Variants in BMPR2 observed in about 807,000 individuals in gnomAD.
The protein encoded by BMPR2 is bone morphogenetic protein receptor type 2, also known as bone morphogenetic protein receptor type-2.
BMPR2 carries 29 observed loss-of-function variants against 100.8 expected under a neutral mutation model. The ratio of observed to expected loss-of-function variants is 0.29; its 90% CI spans 0.21 to 0.39. The LOEUF is 0.39. BMPR2 is among the 10% of genes least tolerant of loss of function. The pLI, the probability that BMPR2 is intolerant of heterozygous loss-of-function variation, is 1.00. For synonymous variants in BMPR2, 382 were observed against 442.3 expected (o/e 0.86, Z 1.71); for missense variants, 1,011 against 1,274.5 (o/e 0.79, Z 3.15).
intron 1 of BMPR2, among the ~76,000 whole-genome samples, chr2:202,462,050 T>C (rs1165237492): frequency 1.3e-5 from 2 of 152,094 alleles, no homozygotes; most frequent in Non-Finnish European, 2.9e-5. Context: ...GAGATGGTCT[T>C]TCCACCTGCA....
chr2:202,436,607 A>C (rs1379599997), intron 1 of BMPR2, among the ~76,000 whole-genome samples: 3 of 150,722 alleles, frequency 2.0e-5, no homozygotes, highest in African/African-American at 7.5e-5. Flanking sequence ...TGAGTTTGCC[A>C]CCCCTGAAAA....
At chr2:202,416,608 T>C (rs1042370284) in intron 1 of BMPR2, among the ~76,000 whole-genome samples, 6 of 151,014 alleles carry the variant, frequency 4.0e-5, no homozygotes, top group African/African-American at 1.5e-4. Flanking sequence ...GTATTTTTAG[T>C]AGAGACGGGG....
rs540244761 is a variant in BMPR2, at chr2:202,390,963, T to C, written c.76+13413T>C. On this transcript the variant is annotated intron_variant, in intron 1 of 12. Coordinates refer to ENST00000374580, the MANE Select transcript of BMPR2 (RefSeq NM_001204.7). ...CTACCTTATGTACAACTACCAAAAATGCTTTTAGTAAGTAGTCTTTTTTTT... is the reference window on the plus strand; with the variant it reads ...CTACCTTATGTACAACTACCAAAAACGCTTTTAGTAAGTAGTCTTTTTTTT... 9.3e-5 allele frequency among the ~76,000 whole-genome samples: 14 copies of C among 150,034 alleles called. 2 individuals carry two copies. The Admixed American group carries it at 9.3e-4, about 10-fold the overall frequency.
At chr2:202,389,240 A>T (rs1690496024) in intron 1 of BMPR2, among the ~76,000 whole-genome samples, 1 of 151,878 alleles carries the variant, frequency 6.6e-6, no homozygotes, top group African/African-American at 2.4e-5. Flanking sequence ...TTTAAAAAAC[A>T]AAAAAGGCTG....
chr2:202,529,424 A>G (rs1389258125), intron 7 of BMPR2, among the ~76,000 whole-genome samples: 1 of 152,246 alleles, frequency 6.6e-6, no homozygotes, highest in African/African-American at 2.4e-5. Flanking sequence ...AGGGCAGTCT[A>G]TAGTTCTGCC....
At chr2:202,558,295 A>G (rs1688617904) in intron 12 of BMPR2, among the ~76,000 whole-genome samples, 1 of 151,494 alleles carries the variant, frequency 6.6e-6, no homozygotes, top group Non-Finnish European at 1.5e-5. Flanking sequence ...GTATTTTAGT[A>G]AAGGAGGGGT....
intron 1 of BMPR2, among the ~76,000 whole-genome samples, chr2:202,390,936 C>T (rs1408149666): frequency 6.8e-6 from 1 of 148,086 alleles, no homozygotes; most frequent in Non-Finnish European, 1.5e-5. Context: ...TTAGGAAAGC[C>T]TCTACCTTAT....
chr2:202,509,997 C>CA (rs141651237), intron 3 of BMPR2, among the ~76,000 whole-genome samples: 3,828 of 152,104 alleles, frequency 0.025, 185 homozygotes, highest in East Asian at 0.15. Flanking sequence ...TTTATTAACT[C>CA]ATATTTACTT....
chr2:202,390,301 A>G (rs1377104133), intron 1 of BMPR2, among the ~76,000 whole-genome samples: 1 of 151,352 alleles, frequency 6.6e-6, no homozygotes, highest in Non-Finnish European at 1.5e-5. Flanking sequence ...CATTTCTACC[A>G]GTAGTGTATG....
chr2:202,509,596 G>A (rs1687585125), intron 3 of BMPR2, among the ~76,000 whole-genome samples: 1 of 151,684 alleles, frequency 6.6e-6, no homozygotes, highest in African/African-American at 2.4e-5. Flanking sequence ...ATTTTCAAAT[G>A]TACTAATTCT....
chr2:202,421,006 T>C (rs1486132071), intron 1 of BMPR2, among the ~76,000 whole-genome samples: 1 of 150,902 alleles, frequency 6.6e-6, no homozygotes, highest in Non-Finnish European at 1.5e-5. Context: ...TCCCAGCACT[T>C]TGGGAGGCCG....
chr2:202,501,850 C>T lies in BMPR2; in HGVS notation c.419-11869C>T, dbSNP rs191088470. ...TTCTCCCAGAGGATGGGGAACCAAT[C>T]GAGCATGACTGCCAACAAATTATAG... On this transcript the variant is annotated intron_variant, in intron 3 of 12. Transcript: ENST00000374580. 3.2e-3 allele frequency among the ~76,000 whole-genome samples: 482 copies of T among 152,318 alleles called. 2 individuals are homozygous for T. Among genetic ancestry groups the T allele is most frequent in the African/African-American group, 0.011 (467 of 41,560 alleles).
intron 1 of BMPR2, among the ~76,000 whole-genome samples, chr2:202,398,839 CA>C (rs1054457618): frequency 6.6e-6 from 1 of 152,118 alleles, no homozygotes; most frequent in African/African-American, 2.4e-5. Flanking sequence ...GTTAAGAAGA[CA>C]GATCATAGCC....
intron 3 of BMPR2, among the ~76,000 whole-genome samples, chr2:202,501,136 G>A (rs1687382422): frequency 1.3e-5 from 2 of 152,174 alleles, no homozygotes; most frequent in South Asian, 2.1e-4. Context: ...TGTCTAGGTC[G>A]AAGGCCCAGC....
chr2:202,558,308 C>T (rs895730550), intron 12 of BMPR2, among the ~76,000 whole-genome samples: 7 of 152,036 alleles, frequency 4.6e-5, no homozygotes, highest in Admixed American at 1.3e-4. Context: ...GGAGGGGTTT[C>T]GCCATGTTGG....
intron 3 of BMPR2, among the ~76,000 whole-genome samples, chr2:202,510,768 C>T (rs1436015438): frequency 6.6e-6 from 1 of 151,924 alleles, no homozygotes; most frequent in Non-Finnish European, 1.5e-5. Context: ...ACAATCTCTG[C>T]CTCCTGGGTT....
chr2:202,528,121 A>C (rs867461722), intron 7 of BMPR2, among the ~76,000 whole-genome samples: 49 of 152,290 alleles, frequency 3.2e-4, no homozygotes, highest in African/African-American at 1.1e-3. Context: ...CAGGAGGTCA[A>C]GACTGCAGTG....
rs532935300 is a variant in BMPR2 at position 202,447,428 on chromosome 2, C to T, written c.77-17381C>T. Reference sequence around the variant, plus strand: ...ATTACTGGCCGGGTGCAGTGGCTCACGCCTGTAAATCCCAACACTGTGGGA... The same window carrying T: ...ATTACTGGCCGGGTGCAGTGGCTCATGCCTGTAAATCCCAACACTGTGGGA... On this transcript the variant is annotated intron_variant, in intron 1 of 12. Transcript: ENST00000374580. 2.7e-5 allele frequency among the ~76,000 whole-genome samples: 4 copies of T among 150,794 alleles called. No homozygotes were observed. The South Asian group carries it at 6.2e-4, about 23-fold the overall frequency.
Position 202,555,696 on chromosome 2 carries a change from C to G in BMPR2, c.2031C>G (p.Leu677=). 3.7e-6 allele frequency: 6 copies of G among 1,614,102 alleles called. No homozygotes were observed. The highest frequency in any genetic ancestry group is 5.1e-6 in the Non-Finnish European group (6 of 1,180,046). The change falls in exon 12 of 13, where the codon CTC becomes CTG. Residue 677 remains leucine, a synonymous_variant. Transcript: ENST00000374580. ...KLDPKEVDKN[L]KESSDENLME... is the part of the protein sequence containing the mutation. The stretch of plus-strand genomic sequence containing the variant: ...ACCCAAAAGAAGTTGATAAGAACCT[C>G]AAGGAAAGCTCTGATGAGAATCTCA...
Sources: gnomAD v4.1 joint callset for allele counts (sites outside exome capture counted in the v4.1 genomes callset) on GRCh38, gnomAD v4.1.1 for gene constraint, MANE v1.5 for transcripts, NCBI Gene and HGNC (gene_info 2026-07-23, HGNC 2026-07-21) for gene names.